ENO1: variants seen among roughly 807,000 people sequenced by gnomAD.
ENO1 encodes the protein alpha-enolase.
Under a neutral mutation model 46.3 loss-of-function variants are expected in ENO1, and 33 were observed. That is an observed-to-expected ratio of 0.71 (90% confidence interval 0.54 to 0.95). The LOEUF (loss-of-function observed/expected upper bound fraction) is 0.95. ENO1 is among the 40% of genes least tolerant of loss of function. The pLI is 0.00. For missense variants in ENO1, 488 were observed against 553.3 expected, an observed-to-expected ratio of 0.88 and a Z score of 1.18; for synonymous variants, 220 against 216.0, an observed-to-expected ratio of 1.02 and a Z score of -0.16.
Position 8,861,257 on chromosome 1 carries a change from G to T in ENO1, c.*103C>A. The T allele has an allele frequency of 1.6e-6, 2 of 1,215,916 alleles. No individual in the cohort carries two copies. The highest frequency in any genetic ancestry group is 2.4e-6 in the Non-Finnish European group (2 of 833,622). The allele number at this position is 1,215,916 out of a possible 1,614,324, so 75.3% of individuals were successfully genotyped here. ...CGGCGGTGGGGCGCTAACTAGCAGG[G>T]ACCCCTGCAAGTGTTGGTCGGGGGC... On this transcript the variant is annotated 3_prime_UTR_variant, in exon 12 of 12. Transcript: ENST00000234590.
At chr1:8,866,809 C>T (rs2781064) in intron 6 of ENO1, among the ~76,000 whole-genome samples, 64,734 of 152,150 alleles carry the variant, frequency 0.43, 15,550 homozygotes, top group Non-Finnish European at 0.55. Flanking sequence ...AACCAGTTCA[C>T]GCCAGGTCTA....
intron 5 of ENO1, among the ~76,000 whole-genome samples, chr1:8,867,544 C>A (rs976853610): frequency 8.9e-6 from 1 of 112,120 alleles, no homozygotes; most frequent in East Asian, 2.1e-4. Flanking sequence ...ACCTGATATT[C>A]AAAAAAAATT....
At position 8,865,367 on chromosome 1, in the gene ENO1, G is replaced by A; in HGVS notation, c.783C>T (p.Phe261=). The A allele has an allele frequency of 6.2e-7, 1 of 1,614,212 alleles. No homozygotes were observed. The highest frequency in any genetic ancestry group is 8.5e-7 in the Non-Finnish European group (1 of 1,180,052). ...ACCTGCTGGGGTCATCGGGAGACTT[G>A]AAGTCCAGGTCATACTTCCCAGACC... ...FFRSGKYDLD[F]KSPDDPSRYI... is the part of the protein sequence containing the mutation. The change falls in exon 8 of 12, where the codon TTC becomes TTT. Residue 261 remains phenylalanine (F), a synonymous_variant. Transcript: ENST00000234590.
chr1:8,869,931 G>A (rs892189774), intron 4 of ENO1, among the ~76,000 whole-genome samples: 1 of 152,164 alleles, frequency 6.6e-6, no homozygotes, highest in African/African-American at 2.4e-5. Flanking sequence ...CGGAGGGACG[G>A]GCCGAAGGGA....
chr1:8,866,076 CAAA>C (rs70985533), intron 7 of ENO1, 200 bp downstream of exon 7: 3,462 of 361,552 alleles, frequency 9.6e-3, no homozygotes, highest in Middle Eastern at 0.014. Context: ...GACTCCATCT[CAAA>C]AAAAAAAAAA....
At position 8,867,101 on chromosome 1, in the gene ENO1, C is replaced by G; in HGVS notation, c.444+16G>C. 6.2e-7 allele frequency: 1 copy of G among 1,609,090 alleles called. No individual in the cohort carries two copies. The highest frequency in any genetic ancestry group is 8.5e-7 in the Non-Finnish European group (1 of 1,175,960). On this transcript the variant is annotated intron_variant, in intron 6 of 11. Transcript: ENST00000234590. ...CCCCCAACTCCTTGCTTGGGAAGTT[C>G]CAATAAACCACTCACCGGGACTGGC...
chr1:8,864,155 C>T (rs1642464563), intron 8 of ENO1, 63 bp from the exon 9 acceptor site: 1 of 1,554,676 alleles, frequency 6.4e-7, no homozygotes, highest in Admixed American at 1.7e-5. Context: ...CCGCAATGCC[C>T]AGCCTTGCTT....
chr1:8,867,383 A>G, intron 5 of ENO1, 133 bp from the exon 6 acceptor site: 1 of 1,284,846 alleles, frequency 7.8e-7, no homozygotes. Context: ...GTTACTAGAA[A>G]TACAAATAGC....
intron 7 of ENO1, 84 bp from the exon 8 acceptor site, chr1:8,865,566 T>C: frequency 7.4e-7 from 1 of 1,348,282 alleles, no homozygotes; most frequent in Non-Finnish European, 1.0e-6. Context: ...ACAGGGACTG[T>C]AACACAAAGA....
intron 5 of ENO1, 25 bp downstream of exon 5, chr1:8,867,962 TA>T: frequency 6.2e-7 from 1 of 1,608,180 alleles, no homozygotes; most frequent in Non-Finnish European, 8.5e-7. Flanking sequence ...TCTTCCCCAG[TA>T]AAGACGCCAC....
chr1:8,863,292 C>T lies in ENO1; in HGVS notation c.1119G>A (p.Ser373=), dbSNP rs373861710. The T allele has an allele frequency of 3.5e-5, 57 of 1,614,078 alleles. No homozygotes were observed. The African/African-American group carries it at 4.1e-4, about 12-fold the overall frequency. Residue 373 remains serine (S), a synonymous_variant, in exon 10 of 12, where the codon TCG becomes TCA. Coordinates refer to ENST00000234590, the MANE Select transcript of ENO1 (RefSeq NM_001428.5). ...NGWGVMVSHR[S]GETEDTFIAD... ...CGATGAAGGTATCTTCAGTCTCCCCCGAACGATGAGACACCATGACGCCCC... is the reference window on the plus strand; with the variant it reads ...CGATGAAGGTATCTTCAGTCTCCCCTGAACGATGAGACACCATGACGCCCC...
chr1:8,878,007 C>T (rs1642772428), intron 1 of ENO1: 1 of 152,932 alleles, frequency 6.5e-6, no homozygotes, highest in Non-Finnish European at 1.5e-5. Context: ...GTAGGTTCCT[C>T]AAGAGGTGCC....
At chr1:8,873,314 TA>T (rs959115857) in intron 2 of ENO1, among the ~76,000 whole-genome samples, 55 of 152,308 alleles carry the variant, frequency 3.6e-4, no homozygotes, top group African/African-American at 1.3e-3. Context: ...GCTGTGAACC[TA>T]AAACTGCTCT....
At chr1:8,867,936 T>G (rs763938479) in intron 5 of ENO1, 52 bp downstream of exon 5, 2 of 1,529,162 alleles carry the variant, frequency 1.3e-6, no homozygotes, top group Non-Finnish European at 1.8e-6. Context: ...TTTAAAATCT[T>G]CAGGAGACTT....
chr1:8,865,186 C>T, intron 8 of ENO1, 99 bp downstream of exon 8: 5 of 1,442,952 alleles, frequency 3.5e-6, no homozygotes, highest in Non-Finnish European at 4.8e-6. Context: ...ACTCCCTCCC[C>T]ATCCCCTCCT....
intron 7 of ENO1, 28 bp from the exon 8 acceptor site, chr1:8,865,510 G>C (rs1212019781): frequency 1.2e-6 from 2 of 1,610,218 alleles, no homozygotes; most frequent in Admixed American, 1.7e-5. Context: ...CAACAGGTTT[G>C]GAAAACAGGT....
intron 7 of ENO1, chr1:8,866,043 T>G (rs1642505465): frequency 2.3e-6 from 1 of 441,860 alleles, no homozygotes; most frequent in Non-Finnish European, 3.9e-6. Flanking sequence ...ATTGCGCCAC[T>G]GCACTCCAGC....
intron 1 of ENO1, chr1:8,877,988 G>A (rs1001058942): frequency 1.3e-5 from 2 of 152,544 alleles, no homozygotes; most frequent in African/African-American, 4.8e-5. Flanking sequence ...ATGATCTAAC[G>A]GCTCTGCTGT....
At chr1:8,865,798 C>CT (rs1642499674) in intron 7 of ENO1, among the ~76,000 whole-genome samples, 1 of 152,154 alleles carries the variant, frequency 6.6e-6, no homozygotes, top group East Asian at 1.9e-4. Flanking sequence ...CTGAGATCAG[C>CT]TGTCCCAAGG....
Sources: allele counts gnomAD v4.1 joint callset (sites outside exome capture counted in the v4.1 genomes callset), GRCh38; gene constraint gnomAD v4.1.1; transcripts MANE v1.5; gene names NCBI Gene and HGNC (gene_info 2026-07-23, HGNC 2026-07-21).